The following CNTNAP5 variants were observed in gnomAD, a reference collection of about 807,000 sequenced individuals.
CNTNAP5 encodes contactin associated protein family member 5.
CNTNAP5 carries 72 observed loss-of-function variants against 150.2 expected under a neutral mutation model. The ratio of observed to expected loss-of-function variants is 0.48; its 90% CI spans 0.40 to 0.58. The LOEUF is 0.58. Ranked by LOEUF, CNTNAP5 falls within the 20% of genes least tolerant of loss-of-function variation. CNTNAP5 has a pLI of 0.00. For synonymous variants in CNTNAP5, 672 were observed against 619.8 expected (o/e 1.08, Z -1.25); for missense variants, 1,636 against 1,626.2 (o/e 1.01, Z -0.10).
At chr2:124,192,861 A>G (rs1001440797) in intron 1 of CNTNAP5, among the ~76,000 whole-genome samples, 11 of 152,132 alleles carry the variant, frequency 7.2e-5, no homozygotes, top group African/African-American at 2.7e-4. Flanking sequence ...TATCATTTAC[A>G]ATAGGACTGC....
intron 1 of CNTNAP5, among the ~76,000 whole-genome samples, chr2:124,210,852 T>G (rs1470376655): frequency 6.6e-6 from 1 of 152,184 alleles, no homozygotes; most frequent in Non-Finnish European, 1.5e-5. Context: ...CATATTCGCA[T>G]TTTAAAAATA....
At chr2:124,706,063 A>G (rs536052293) in intron 13 of CNTNAP5, among the ~76,000 whole-genome samples, 1 of 152,314 alleles carries the variant, frequency 6.6e-6, no homozygotes, top group East Asian at 1.9e-4. Flanking sequence ...GAAGAAACTA[A>G]TGAATCTATG....
At chr2:124,028,575 A>G (rs1476632684) in intron 1 of CNTNAP5, among the ~76,000 whole-genome samples, 2 of 152,162 alleles carry the variant, frequency 1.3e-5, no homozygotes, top group Non-Finnish European at 2.9e-5. Flanking sequence ...AATAGCTACA[A>G]TTCCTCCTCT....
chr2:124,179,237 G>T (rs1163830019), intron 1 of CNTNAP5, among the ~76,000 whole-genome samples: 1 of 152,022 alleles, frequency 6.6e-6, no homozygotes, highest in African/African-American at 2.4e-5. Context: ...TCAGCTCCCT[G>T]CAACTTCTGC....
chr2:124,858,874 G>T (rs1677444403), intron 19 of CNTNAP5, among the ~76,000 whole-genome samples: 1 of 151,906 alleles, frequency 6.6e-6, no homozygotes, highest in Non-Finnish European at 1.5e-5. Flanking sequence ...GATGAAACTG[G>T]ATCTCTTCCT....
At chr2:124,849,747 T>G (rs1209568424) in intron 19 of CNTNAP5, among the ~76,000 whole-genome samples, 1 of 152,216 alleles carries the variant, frequency 6.6e-6, no homozygotes, top group Non-Finnish European at 1.5e-5. Flanking sequence ...TGATTGTACA[T>G]GCAATGGTTC....
intron 1 of CNTNAP5, among the ~76,000 whole-genome samples, chr2:124,220,677 G>A (rs1686282716): frequency 6.6e-6 from 1 of 152,118 alleles, no homozygotes; most frequent in Non-Finnish European, 1.5e-5. Context: ...GGTATCTGGT[G>A]AGAGCTCTCT....
intron 22 of CNTNAP5, among the ~76,000 whole-genome samples, chr2:124,906,846 C>T (rs771668103): frequency 7.2e-5 from 11 of 152,016 alleles, no homozygotes; most frequent in Non-Finnish European, 1.6e-4. Context: ...ATTTTGAGTT[C>T]TTTCAGGTAA....
At chr2:124,516,712 G>A (rs1295423259) in intron 8 of CNTNAP5, among the ~76,000 whole-genome samples, 1 of 152,108 alleles carries the variant, frequency 6.6e-6, no homozygotes, top group Non-Finnish European at 1.5e-5. Flanking sequence ...ACAGCCACTT[G>A]GTTACAAAGG....
intron 6 of CNTNAP5, among the ~76,000 whole-genome samples, chr2:124,451,245 AC>A (rs1379523885): frequency 4.6e-5 from 7 of 151,214 alleles, no homozygotes; most frequent in Non-Finnish European, 5.9e-5. Flanking sequence ...AGTCAAAAAA[AC>A]AAACAAAAAA....
chr2:124,717,259 T>C (rs1407123757), intron 13 of CNTNAP5, among the ~76,000 whole-genome samples: 2 of 152,176 alleles, frequency 1.3e-5, no homozygotes, highest in African/African-American at 2.4e-5. Flanking sequence ...GATCAGAGGC[T>C]GCGTGCTGCC....
At chr2:124,645,922 T>C (rs1275896494) in intron 12 of CNTNAP5, among the ~76,000 whole-genome samples, 5 of 151,816 alleles carry the variant, frequency 3.3e-5, no homozygotes, top group Non-Finnish European at 5.9e-5. Flanking sequence ...AGAGAGTGAA[T>C]GGAAGGTGCC....
chr2:124,127,656 G>A (rs998151320), intron 1 of CNTNAP5, among the ~76,000 whole-genome samples: 3 of 151,984 alleles, frequency 2.0e-5, no homozygotes, highest in Non-Finnish European at 2.9e-5. Context: ...CTGACTTCAA[G>A]CTATAGTACA....
intron 4 of CNTNAP5, among the ~76,000 whole-genome samples, chr2:124,430,931 C>T (rs535746442): frequency 6.6e-6 from 1 of 152,114 alleles, no homozygotes; most frequent in South Asian, 2.1e-4. Flanking sequence ...TTGTTGAATG[C>T]CTTTGTATTT....
intron 3 of CNTNAP5, among the ~76,000 whole-genome samples, chr2:124,327,953 T>C (rs748170206): frequency 6.6e-6 from 1 of 152,164 alleles, no homozygotes; most frequent in Non-Finnish European, 1.5e-5. Context: ...TGTCATAAGA[T>C]TGTCGTGAAA....
rs1203115632 is a variant in CNTNAP5 at position 124,768,234 on chromosome 2, G to A, written c.2533+4087G>A. On this transcript the variant is annotated intron_variant, in intron 16 of 23. Coordinates refer to ENST00000682447, the MANE Select transcript of CNTNAP5 (RefSeq NM_001367498.1). ...ATACCTTGCAGAAATTTGCTGAGCT[G>A]CTCAGGGGAAAAACTGTACATATAT... 2.6e-5 allele frequency among the ~76,000 whole-genome samples: 4 copies of A among 151,510 alleles called. No individual in the cohort carries two copies. In the East Asian group the frequency reaches 5.8e-4, roughly 22 times the overall value.
chr2:124,524,534 G>A (rs754748257), intron 9 of CNTNAP5, 82 bp downstream of exon 9: 142 of 1,375,392 alleles, frequency 1.0e-4, no homozygotes, highest in Non-Finnish European at 1.3e-4. Context: ...GATGGTTCTG[G>A]TTTGGTCAAT....
chr2:124,661,008 C>T (rs1678578164), intron 13 of CNTNAP5, among the ~76,000 whole-genome samples: 1 of 148,176 alleles, frequency 6.7e-6, no homozygotes, highest in Admixed American at 6.7e-5. Context: ...TTACCATGAA[C>T]AGAGCTTTCA....
intron 3 of CNTNAP5, among the ~76,000 whole-genome samples, chr2:124,356,073 C>T (rs1002922863): frequency 1.4e-4 from 21 of 152,162 alleles, no homozygotes; most frequent in African/African-American, 4.8e-4. Context: ...CTTTCTAAGC[C>T]TTGGTAGTCA....
Sources: gnomAD v4.1 joint callset for allele counts (sites outside exome capture counted in the v4.1 genomes callset) on GRCh38, gnomAD v4.1.1 for gene constraint, MANE v1.5 for transcripts, NCBI Gene and HGNC (gene_info 2026-07-23, HGNC 2026-07-21) for gene names.